Variants in DEUP1 observed in about 807,000 individuals in gnomAD.
DEUP1 encodes the protein deuterosome assembly protein 1.
In DEUP1, 82 loss-of-function variants were observed where a neutral mutation model predicts 87.4. That is an observed-to-expected ratio of 0.94 (90% CI 0.78 to 1.13). The LOEUF (loss-of-function observed/expected upper bound fraction) is 1.13. Among genes scored for constraint, DEUP1 ranks in the 50% most tolerant of loss-of-function variants. The probability of loss-of-function intolerance (pLI) is 0.00; values close to 1 mark genes in which losing one functional copy is unlikely to be tolerated. For missense variants in DEUP1, 663 were observed against 681.5 expected (o/e 0.97, Z 0.30); for synonymous variants, 214 against 222.7 (o/e 0.96, Z 0.35).
chr11:93,399,401 T>A (rs944318561), intron 11 of DEUP1, among the ~76,000 whole-genome samples: 1 of 151,982 alleles, frequency 6.6e-6, no homozygotes, highest in Non-Finnish European at 1.5e-5. Flanking sequence ...TAACTTTGAT[T>A]TGGCATTTTC....
chr11:93,408,236 G>A lies in DEUP1; in HGVS notation c.1332G>A (p.Met444Ile), dbSNP rs542478848. ...GDLDPGEYMS[M>I]DFTNREQSRH... is the part of the protein sequence containing the mutation. ...TAGTTTATTTTATTCTCTAGAGTATGGACTTCACTAACAGGGAACAGTCAA... is the reference window on the plus strand; with the variant it reads ...TAGTTTATTTTATTCTCTAGAGTATAGACTTCACTAACAGGGAACAGTCAA... The change falls in exon 12 of 14, where the codon ATG becomes ATA. Residue 444 changes from methionine (M) to isoleucine (I), a missense_variant. Transcript: ENST00000298050. The A allele has an allele frequency of 3.2e-6, 5 of 1,563,250 alleles. No homozygotes were observed. The East Asian group carries it at 1.2e-4, about 36-fold the overall frequency.
intron 7 of DEUP1, chr11:93,383,702 T>C: frequency 1.1e-5 from 6 of 550,148 alleles, no homozygotes; most frequent in Non-Finnish European, 1.9e-5. Flanking sequence ...ATATTAAGAA[T>C]TATTGAACAA....
chr11:93,354,373 A>C (rs1220867898), intron 2 of DEUP1, among the ~76,000 whole-genome samples: 1 of 152,120 alleles, frequency 6.6e-6, no homozygotes, highest in African/African-American at 2.4e-5. Flanking sequence ...GAGGTTCCAA[A>C]ATTTGCCACA....
At chr11:93,359,432 C>T (rs1487934569) in intron 4 of DEUP1, among the ~76,000 whole-genome samples, 4 of 152,096 alleles carry the variant, frequency 2.6e-5, no homozygotes, top group African/African-American at 9.7e-5. Flanking sequence ...TAGATATACT[C>T]TTCCCTATCC....
intron 4 of DEUP1, among the ~76,000 whole-genome samples, chr11:93,361,155 C>T (rs1240360551): frequency 6.6e-6 from 1 of 152,056 alleles, no homozygotes; most frequent in African/African-American, 2.4e-5. Context: ...ACAGAGCTTT[C>T]AACCCAGAAT....
At chr11:93,332,106 T>A (rs1591062706) in intron 1 of DEUP1, 110 bp from the exon 2 acceptor site, 1 of 602,504 alleles carries the variant, frequency 1.7e-6, no homozygotes, top group African/African-American at 1.8e-5. Context: ...CAAGAGCTAC[T>A]ACACAGAAAA....
Position 93,397,899 on chromosome 11 carries a change from T to C in DEUP1, c.1326+1574T>C, listed in dbSNP as rs539200673. Among the ~76,000 whole-genome samples, 18 of 152,160 alleles carry C rather than the reference T, an allele frequency of 1.2e-4. No individual in the cohort carries two copies. In the South Asian group the frequency reaches 3.5e-3, roughly 30 times the overall value. ...ATTTTTCCTAATTTCTTAGAAAAAA[T>C]ATATGAGCATATAAGATATACATAA... On this transcript the variant is annotated intron_variant, in intron 11 of 13. Coordinates refer to ENST00000298050, the MANE Select transcript of DEUP1 (RefSeq NM_181645.4).
chr11:93,408,541 A>G lies in DEUP1; in HGVS notation c.1523+114A>G, dbSNP rs577308312. 36 of 670,148 alleles carry G rather than the reference A, an allele frequency of 5.4e-5. No homozygotes were observed. In the East Asian group the frequency reaches 8.6e-4, roughly 16 times the overall value. The allele number at this position is 670,148 out of a possible 1,614,324, so 41.5% of individuals were successfully genotyped here. A position where few individuals can be genotyped will look rare whatever the true frequency, so the allele number is the denominator to read the frequency against. On this transcript the variant is annotated intron_variant, in intron 12 of 13. Transcript: ENST00000298050. ...CTTTCTCTTCTGTGGTTTAAAATTT[A>G]TAATGATAATGCAGTAGATGAGTAG...
At position 93,355,424 on chromosome 11, in the gene DEUP1, T is replaced by A; in HGVS notation, c.83T>A (p.Met28Lys). 6.2e-7 allele frequency: 1 copy of A among 1,613,788 alleles called. No homozygotes were observed. The highest frequency in any genetic ancestry group is 8.5e-7 in the Non-Finnish European group (1 of 1,179,788). Reference protein sequence around the residue: ...LQELMEQIDIMVSNKKMDWER... With the variant: ...LQELMEQIDIKVSNKKMDWER... ...GAATTAATGGAACAAATTGACATCA[T>A]GGTAAGCAACAAGAAAATGGATTGG... Residue 28 changes from methionine to lysine, a missense_variant, in exon 3 of 14, where the codon ATG becomes AAG. Coordinates refer to ENST00000298050, the MANE Select transcript of DEUP1 (RefSeq NM_181645.4).
intron 11 of DEUP1, among the ~76,000 whole-genome samples, chr11:93,396,782 GT>G (rs1178593435): frequency 6.6e-6 from 1 of 152,152 alleles, no homozygotes; most frequent in African/African-American, 2.4e-5. Context: ...TCTTATTGGT[GT>G]TTGTTTCACC....
intron 7 of DEUP1, chr11:93,383,484 C>A (rs955648108): frequency 5.5e-6 from 3 of 546,316 alleles, no homozygotes; most frequent in Non-Finnish European, 6.5e-6. Context: ...TGGGGAGTGA[C>A]TGTTAATGAG....
At chr11:93,418,476 A>T (rs372246094) in intron 13 of DEUP1, among the ~76,000 whole-genome samples, 12 of 152,176 alleles carry the variant, frequency 7.9e-5, no homozygotes, top group Non-Finnish European at 1.5e-4. Context: ...TCAAAACCAC[A>T]ATGCGATATC....
rs577599599 is a variant in DEUP1 at position 93,419,333 on chromosome 11, G to A, written c.1638+4219G>A. Among the ~76,000 whole-genome samples, 164 of 152,254 alleles carry A rather than the reference G, an allele frequency of 1.1e-3. 2 individuals carry two copies. The highest frequency in any genetic ancestry group is 0.01 in the Admixed American group (154 of 15,278). ...AATTAAAGGCAACCTTCCAGAACAGGCAAGAATGTGCTGTGTGTCATAGCC... is the reference window on the plus strand; with the variant it reads ...AATTAAAGGCAACCTTCCAGAACAGACAAGAATGTGCTGTGTGTCATAGCC... On this transcript the variant is annotated intron_variant, in intron 13 of 13. Transcript: ENST00000298050.
chr11:93,416,084 G>A (rs888984760), intron 13 of DEUP1, among the ~76,000 whole-genome samples: 6 of 152,244 alleles, frequency 3.9e-5, no homozygotes, highest in African/African-American at 1.2e-4. Flanking sequence ...CTATTTTCCT[G>A]TAGGAGCCAA....
chr11:93,389,766 A>G (rs909616798), intron 9 of DEUP1, among the ~76,000 whole-genome samples: 4 of 152,226 alleles, frequency 2.6e-5, no homozygotes, highest in Non-Finnish European at 5.9e-5. Flanking sequence ...CAGTATCCAT[A>G]CTCTTACCCT....
At chr11:93,359,656 G>T (rs1396964216) in intron 4 of DEUP1, among the ~76,000 whole-genome samples, 4 of 152,092 alleles carry the variant, frequency 2.6e-5, no homozygotes, top group African/African-American at 9.7e-5. Context: ...CCCAAGGAAA[G>T]TCTGCTCTCT....
At chr11:93,401,265 C>G (rs145132721) in intron 11 of DEUP1, among the ~76,000 whole-genome samples, 1 of 151,786 alleles carries the variant, frequency 6.6e-6, no homozygotes, top group Non-Finnish European at 1.5e-5. Context: ...ACAAGGAAAA[C>G]TATATATCTC....
chr11:93,408,561 G>GAGT (rs1262526014), intron 12 of DEUP1, 134 bp downstream of exon 12: 1 of 597,502 alleles, frequency 1.7e-6, no homozygotes, highest in African/African-American at 1.9e-5. Context: ...TGCAGTAGAT[G>GAGT]AGTAGATAAT....
chr11:93,359,865 C>T (rs1159052745), intron 4 of DEUP1, among the ~76,000 whole-genome samples: 1 of 152,216 alleles, frequency 6.6e-6, no homozygotes, highest in East Asian at 1.9e-4. Context: ...GTAACCCGGG[C>T]CCTCTTTCCT....
Sources: allele counts gnomAD v4.1 joint callset (sites outside exome capture counted in the v4.1 genomes callset), GRCh38; gene constraint gnomAD v4.1.1; transcripts MANE v1.5; gene names NCBI Gene and HGNC (gene_info 2026-07-23, HGNC 2026-07-21).